BMP6: variants seen among roughly 807,000 people sequenced by gnomAD.
BMP6 encodes VG-1-R.
BMP6 carries 17 observed loss-of-function variants against 54.1 expected under a neutral mutation model. The ratio of observed to expected loss-of-function variants is 0.31; its 90% CI spans 0.22 to 0.47. The LOEUF (loss-of-function observed/expected upper bound fraction) is 0.47. Among genes scored for constraint, BMP6 ranks in the 20% least tolerant of loss-of-function variants. The probability of loss-of-function intolerance (pLI) is 1.00; values close to 1 mark genes in which losing one functional copy is unlikely to be tolerated. For missense variants in BMP6, 720 were observed against 690.4 expected (o/e 1.04, Z -0.48); for synonymous variants, 328 against 291.2 (o/e 1.13, Z -1.28).
intron 1 of BMP6, among the ~76,000 whole-genome samples, chr6:7,788,865 A>C (rs1298451623): frequency 3.0e-5 from 4 of 135,588 alleles, no homozygotes; most frequent in Non-Finnish European, 6.3e-5. Context: ...ATTCCATCCT[A>C]TCTCTGTTTT....
chr6:7,765,512 C>G (rs114644611), intron 1 of BMP6, among the ~76,000 whole-genome samples: 1,541 of 152,350 alleles, frequency 0.01, 19 homozygotes, highest in African/African-American at 0.035. Context: ...GTAAGTGTAT[C>G]AAAAACACAC....
intron 1 of BMP6, among the ~76,000 whole-genome samples, chr6:7,830,973 A>T (rs166495): frequency 0.41 from 61,700 of 152,118 alleles, 13,035 homozygotes; most frequent in East Asian, 0.73. Context: ...CAAAGAACTG[A>T]AAACACGTAC....
chr6:7,727,929 C>CT (rs71542879), intron 1 of BMP6, among the ~76,000 whole-genome samples: 58,286 of 151,370 alleles, frequency 0.39, 11,777 homozygotes, highest in South Asian at 0.53. Flanking sequence ...ACGTTCCGCG[C>CT]TTTTTTTCAC....
At chr6:7,782,398 G>A (rs1757961080) in intron 1 of BMP6, among the ~76,000 whole-genome samples, 1 of 152,130 alleles carries the variant, frequency 6.6e-6, no homozygotes, top group African/African-American at 2.4e-5. Flanking sequence ...GATAGGACTT[G>A]GTGCTCTGTG....
chr6:7,742,547 G>A (rs1463256078), intron 1 of BMP6, among the ~76,000 whole-genome samples: 1 of 152,208 alleles, frequency 6.6e-6, no homozygotes, highest in Admixed American at 6.5e-5. Context: ...GCAACAGGGA[G>A]CATTTAAAAA....
intron 1 of BMP6, among the ~76,000 whole-genome samples, chr6:7,793,569 G>C (rs574910614): frequency 6.6e-6 from 1 of 152,050 alleles, no homozygotes; most frequent in South Asian, 2.1e-4. Context: ...GATAACTAAT[G>C]TACCACTTTG....
rs1309817146 is a variant in BMP6, at chr6:7,727,625, G to A, written c.664+6G>A. The stretch of plus-strand genomic sequence containing the variant: ...CATGAGCTTTGTGAACCTGGGTAAG[G>A]ATTTGGGGTAACGTAATGACGAGAA... On this transcript the variant is annotated splice_donor_region_variant and intron_variant, in intron 1 of 6. Coordinates refer to ENST00000283147, the MANE Select transcript of BMP6 (RefSeq NM_001718.6). 2.6e-6 allele frequency: 4 copies of A among 1,537,944 alleles called. No individual in the cohort carries two copies. Among genetic ancestry groups the A allele is most frequent in the African/African-American group, 1.4e-5 (1 of 71,802 alleles).
chr6:7,859,469 G>A (rs1269245242), intron 2 of BMP6, among the ~76,000 whole-genome samples: 1 of 151,920 alleles, frequency 6.6e-6, no homozygotes. Context: ...GCTAGAGAGT[G>A]CCAGCCACAT....
At chr6:7,783,484 T>C (rs2113172153) in intron 1 of BMP6, among the ~76,000 whole-genome samples, 1 of 152,376 alleles carries the variant, frequency 6.6e-6, no homozygotes, top group South Asian at 2.1e-4. Flanking sequence ...AGAAACATGC[T>C]TTCTTTTCAT....
At chr6:7,835,320 G>A (rs1758856190) in intron 1 of BMP6, among the ~76,000 whole-genome samples, 1 of 152,148 alleles carries the variant, frequency 6.6e-6, no homozygotes. Flanking sequence ...GATGGGGTTA[G>A]CCAGGATGGT....
rs138463580 is a variant in BMP6, at chr6:7,775,688, C to T, written c.664+48069C>T. Among the ~76,000 whole-genome samples the T allele has an allele frequency of 6.8e-3, 1,040 of 152,318 alleles. 5 individuals carry two copies. The highest frequency in any genetic ancestry group is 0.011 in the Non-Finnish European group (717 of 68,022). The stretch of plus-strand genomic sequence containing the variant: ...TAAGGTCAGCTCTCTGATTCTGTTA[C>T]CCTATCCCTTGCTTGCTTCCCAAGT... On this transcript the variant is annotated intron_variant, in intron 1 of 6. Coordinates refer to ENST00000283147, the MANE Select transcript of BMP6 (RefSeq NM_001718.6).
chr6:7,787,479 C>T (rs960039255), intron 1 of BMP6, among the ~76,000 whole-genome samples: 1 of 152,174 alleles, frequency 6.6e-6, no homozygotes, highest in Non-Finnish European at 1.5e-5. Context: ...CATTCATGTA[C>T]TTTTTTGACA....
chr6:7,730,124 A>C (rs1761825305), intron 1 of BMP6, among the ~76,000 whole-genome samples: 1 of 152,164 alleles, frequency 6.6e-6, no homozygotes, highest in African/African-American at 2.4e-5. Context: ...AGTCATATTT[A>C]CTGTATTTAG....
At chr6:7,787,612 T>C (rs911334776) in intron 1 of BMP6, among the ~76,000 whole-genome samples, 1 of 152,212 alleles carries the variant, frequency 6.6e-6, no homozygotes, top group Non-Finnish European at 1.5e-5. Context: ...CTTTGTGTGG[T>C]GTGCTACTTG....
chr6:7,751,017 C>T (rs981957429), intron 1 of BMP6, among the ~76,000 whole-genome samples: 1 of 152,178 alleles, frequency 6.6e-6, no homozygotes, highest in Non-Finnish European at 1.5e-5. Flanking sequence ...TTGGCTACAA[C>T]CCAAAGTTTC....
intron 1 of BMP6, among the ~76,000 whole-genome samples, chr6:7,757,334 T>C (rs1757534100): frequency 6.6e-6 from 1 of 152,204 alleles, no homozygotes; most frequent in Non-Finnish European, 1.5e-5. Flanking sequence ...AAGGATTTTG[T>C]TCATGCCTTT....
chr6:7,786,481 T>TAA (rs1758022690), intron 1 of BMP6, among the ~76,000 whole-genome samples: 1 of 107,456 alleles, frequency 9.3e-6, no homozygotes, highest in Non-Finnish European at 1.9e-5. Flanking sequence ...TTTTTTTTTT[T>TAA]AAATAAAATC....
At chr6:7,824,605 A>G (rs763753831) in intron 1 of BMP6, among the ~76,000 whole-genome samples, 1 of 152,242 alleles carries the variant, frequency 6.6e-6, no homozygotes, top group Non-Finnish European at 1.5e-5. Flanking sequence ...TGCAAATGTG[A>G]ACTACACAGA....
chr6:7,743,858 C>T (rs1757304780), intron 1 of BMP6, among the ~76,000 whole-genome samples: 1 of 152,202 alleles, frequency 6.6e-6, no homozygotes, highest in Non-Finnish European at 1.5e-5. Context: ...TTACTAAACT[C>T]TTACCTAAGT....
Sources: gnomAD v4.1 joint callset for allele counts (sites outside exome capture counted in the v4.1 genomes callset) on GRCh38, gnomAD v4.1.1 for gene constraint, MANE v1.5 for transcripts, NCBI Gene and HGNC (gene_info 2026-07-23, HGNC 2026-07-21) for gene names.